Variants in ADAM9 observed in about 807,000 individuals in gnomAD.
ADAM9 encodes disintegrin and metalloproteinase domain-containing protein 9.
In ADAM9, 54 loss-of-function variants were observed where a neutral mutation model predicts 108.1. That is an observed-to-expected ratio of 0.50 (90% CI 0.40 to 0.63). The LOEUF is 0.63. Ranked by LOEUF, ADAM9 falls within the 20% of genes least tolerant of loss-of-function variation. ADAM9 has a pLI of 0.00. For synonymous variants in ADAM9, 316 were observed against 336.0 expected, an observed-to-expected ratio of 0.94 and a Z score of 0.65; for missense variants, 830 against 997.7, an observed-to-expected ratio of 0.83 and a Z score of 2.26.
At chr8:39,082,933 C>T in intron 17 of ADAM9, 35 bp from the exon 18 acceptor site, 3 of 1,565,000 alleles carry the variant, frequency 1.9e-6, no homozygotes, top group South Asian at 1.1e-5. Context: ...GCAACATTCA[C>T]AATTAACAAA....
chr8:39,004,555 A>AT (rs906392926), intron 1 of ADAM9, among the ~76,000 whole-genome samples: 7 of 152,116 alleles, frequency 4.6e-5, no homozygotes, highest in South Asian at 2.1e-4. Context: ...CTTAAAGAGA[A>AT]TTTTTTTTTA....
chr8:39,069,897 T>C (rs1342559498), intron 14 of ADAM9, among the ~76,000 whole-genome samples: 1 of 149,452 alleles, frequency 6.7e-6, no homozygotes, highest in Non-Finnish European at 1.5e-5. Flanking sequence ...GTGTATAATA[T>C]ACAAAAATGG....
At chr8:39,060,304 A>G (rs911086702) in intron 14 of ADAM9, among the ~76,000 whole-genome samples, 6 of 152,238 alleles carry the variant, frequency 3.9e-5, no homozygotes, top group African/African-American at 1.4e-4. Context: ...TGCTTCAAGC[A>G]CTGTTTGATC....
intron 11 of ADAM9, among the ~76,000 whole-genome samples, chr8:39,041,084 G>C (rs1344831969): frequency 6.6e-6 from 1 of 151,974 alleles, no homozygotes; most frequent in Non-Finnish European, 1.5e-5. Flanking sequence ...GTCTACAAAA[G>C]CAAAAATAAA....
At chr8:39,068,820 A>G (rs1372958818) in intron 14 of ADAM9, among the ~76,000 whole-genome samples, 1 of 151,098 alleles carries the variant, frequency 6.6e-6, no homozygotes, top group Non-Finnish European at 1.5e-5. Context: ...TTGTTTTTAG[A>G]AGAGTTTCTG....
intron 1 of ADAM9, among the ~76,000 whole-genome samples, chr8:39,002,365 C>G (rs1330442279): frequency 7.8e-6 from 1 of 128,740 alleles, no homozygotes; most frequent in Non-Finnish European, 1.6e-5. Context: ...GTTGCCCAGA[C>G]TGGGGTGCAG....
At chr8:39,058,309 T>C (rs1206999261) in intron 14 of ADAM9, among the ~76,000 whole-genome samples, 1 of 152,200 alleles carries the variant, frequency 6.6e-6, no homozygotes, top group African/African-American at 2.4e-5. Context: ...GTCATGTGGT[T>C]GTAGCTGGTA....
intron 11 of ADAM9, among the ~76,000 whole-genome samples, chr8:39,028,382 A>G (rs550391540): frequency 6.6e-5 from 10 of 152,288 alleles, no homozygotes; most frequent in African/African-American, 2.2e-4. Flanking sequence ...AAAATTAGGT[A>G]TGTAAGGAAC....
Position 39,103,787 on chromosome 8 carries a change from T to C in ADAM9, c.*87T>C, listed in dbSNP as rs764910552. The C allele has an allele frequency of 7.8e-7, 1 of 1,288,162 alleles. No individual in the cohort carries two copies. Among genetic ancestry groups the C allele is most frequent in the African/African-American group, 1.5e-5 (1 of 68,650 alleles). 79.8% of individuals were successfully genotyped at this position (1,288,162 alleles called of 1,614,324 possible). On this transcript the variant is annotated 3_prime_UTR_variant, in exon 22 of 22. Transcript: ENST00000487273. ...TTGATGTTTTCTTGAAAAGCCTTTC[T>C]GTTGCAACTATGAATGAAAACAAAA... is the stretch of plus-strand genomic sequence containing the variant.
chr8:39,042,112 C>G lies in ADAM9; in HGVS notation c.1297C>G (p.Pro433Ala). 1 of 1,613,922 alleles carries G rather than the reference C, an allele frequency of 6.2e-7. No homozygotes were observed. Among genetic ancestry groups the G allele is most frequent in the South Asian group, 1.1e-5 (1 of 91,074 alleles). Residue 433 changes from proline to alanine, a missense_variant, in exon 12 of 22, where the codon CCA becomes GCA. Coordinates refer to ENST00000487273, the MANE Select transcript of ADAM9 (RefSeq NM_003816.3). ...TGGGGAAGAGTGTGACTGTGGTACT[C>G]CAAAGGTCAGTTTAATTTTTGACTT... ...DAGEECDCGT[P>A]KECELDPCCE...
At chr8:39,002,066 A>C (rs895517739) in intron 1 of ADAM9, among the ~76,000 whole-genome samples, 1 of 151,140 alleles carries the variant, frequency 6.6e-6, no homozygotes, top group Non-Finnish European at 1.5e-5. Flanking sequence ...CAAAAACTGC[A>C]ATTACTTTTG....
Position 39,041,897 on chromosome 8 carries a change from A to G in ADAM9, c.1131-49A>G, listed in dbSNP as rs113569402. 1,717 of 1,544,292 alleles carry G rather than the reference A, an allele frequency of 1.1e-3. 26 individuals carry two copies. The African/African-American group carries it at 0.021, about 19-fold the overall frequency. On this transcript the variant is annotated intron_variant, in intron 11 of 21. Coordinates refer to ENST00000487273, the MANE Select transcript of ADAM9 (RefSeq NM_003816.3). Reference sequence around the variant, plus strand: ...TTAAAGTCATGACTTAACATTTTCAAAGTGAGTAATCACTGTGACATAGAT... The same window carrying G: ...TTAAAGTCATGACTTAACATTTTCAGAGTGAGTAATCACTGTGACATAGAT...
intron 2 of ADAM9, among the ~76,000 whole-genome samples, chr8:39,009,052 G>A (rs996259315): frequency 4.6e-5 from 7 of 152,274 alleles, no homozygotes; most frequent in Non-Finnish European, 1.0e-4. Flanking sequence ...AGTGGGCATT[G>A]TAAAAAGAAC....
At chr8:39,076,116 C>T (rs1469911867) in intron 15 of ADAM9, 1 of 152,110 alleles carries the variant, frequency 6.6e-6, no homozygotes, top group Non-Finnish European at 1.5e-5. Flanking sequence ...CTAGAATAAA[C>T]AAGAGCTCCA....
chr8:39,018,474 G>GT (rs1836621166), intron 6 of ADAM9: 1 of 199,994 alleles, frequency 5.0e-6, no homozygotes, highest in East Asian at 1.3e-4. Flanking sequence ...AAATATGTGT[G>GT]TGTTTGCATG....
At chr8:39,045,387 T>TGTGTGTACACACACCTATATGTAC (rs1837698498) in intron 12 of ADAM9, among the ~76,000 whole-genome samples, 4 of 46,680 alleles carry the variant, frequency 8.6e-5, no homozygotes, top group Admixed American at 2.0e-4. Flanking sequence ...CACCTATAGG[T>TGTGTGTACACACACCTATATGTAC]GTGTGTACAC....
intron 9 of ADAM9, among the ~76,000 whole-genome samples, chr8:39,023,854 C>G (rs758410211): frequency 7.1e-6 from 1 of 141,458 alleles, no homozygotes; most frequent in African/African-American, 2.6e-5. Flanking sequence ...CGAAGCAATT[C>G]TCCTGCCTCA....
In ADAM9 at chr8:39,091,299, G is replaced by C. The variant is rs1407413652; in HGVS notation, c.2251G>C (p.Gly751Arg). ...KNQANPSRQPGSVPRHVSPVT... is the reference protein window; with the variant it reads ...KNQANPSRQPRSVPRHVSPVT... The stretch of plus-strand genomic sequence containing the variant: ...TCAAGCAAACCCTTCTAGACAGCCG[G>C]GGAGTGTTCCTCGACATGTTTCTCC... The change falls in exon 20 of 22, where the codon GGG becomes CGG. Residue 751 changes from glycine to arginine, a missense_variant. This residue lies in a region of ADAM9 where 238 missense variants were observed against 235.7 expected (regional missense o/e 1.01). Coordinates refer to ENST00000487273, the MANE Select transcript of ADAM9 (RefSeq NM_003816.3). 1 of 1,613,982 alleles carries C rather than the reference G, an allele frequency of 6.2e-7. No individual in the cohort carries two copies. Among genetic ancestry groups the C allele is most frequent in the Non-Finnish European group, 8.5e-7 (1 of 1,180,008 alleles).
intron 15 of ADAM9, among the ~76,000 whole-genome samples, chr8:39,073,572 A>G (rs895097671): frequency 2.6e-5 from 4 of 152,202 alleles, no homozygotes; most frequent in Non-Finnish European, 5.9e-5. Context: ...AACATAATAA[A>G]TGACTATTAA....
Sources: allele counts gnomAD v4.1 joint callset (sites outside exome capture counted in the v4.1 genomes callset), GRCh38; gene constraint gnomAD v4.1.1; regional missense constraint gnomAD v4.1.1; transcripts MANE v1.5; gene names NCBI Gene and HGNC (gene_info 2026-07-23, HGNC 2026-07-21).